The following PIEZO2 variants were observed in gnomAD, a reference collection of about 807,000 sequenced individuals.
The protein encoded by PIEZO2 is piezo-type mechanosensitive ion channel component 2.
PIEZO2 carries 172 observed loss-of-function variants against 337.3 expected under a neutral mutation model. The ratio of observed to expected loss-of-function variants is 0.51; its 90% CI spans 0.45 to 0.58. The LOEUF (loss-of-function observed/expected upper bound fraction) is 0.58. Ranked by LOEUF, PIEZO2 falls within the 20% of genes least tolerant of loss-of-function variation. The pLI is 0.00. For synonymous variants in PIEZO2, 1,251 were observed against 1,228.5 expected (o/e 1.02, Z -0.38); for missense variants, 3,028 against 3,391.3 (o/e 0.89, Z 2.66).
intron 1 of PIEZO2, among the ~76,000 whole-genome samples, chr18:11,091,786 C>T (rs2039100190): frequency 7.9e-5 from 12 of 152,192 alleles, no homozygotes; most frequent in Admixed American, 7.8e-4. Flanking sequence ...AAGGTTTGTT[C>T]ATTGCCAACT....
chr18:10,775,028 C>T lies in PIEZO2; in HGVS notation c.2535-990G>A, dbSNP rs1019162061. On this transcript the variant is annotated intron_variant, in intron 18 of 55. Coordinates refer to ENST00000674853, the MANE Select transcript of PIEZO2 (RefSeq NM_001378183.1). The surrounding 1 kb of genome is among the most constrained non-coding windows in gnomAD (Gnocchi z 4.3). ...ATTTTGGGTAACTGTCGTAAGGAAT[C>T]CACATTGTCCCTACGCTTTTAGATT... is the stretch of plus-strand genomic sequence containing the variant. Among the ~76,000 whole-genome samples the T allele has an allele frequency of 5.3e-5, 8 of 152,174 alleles. No homozygotes were observed. The highest frequency in any genetic ancestry group is 1.7e-4 in the African/African-American group (7 of 41,442).
chr18:11,066,348 A>G (rs1019658117), intron 1 of PIEZO2, 126 bp from the exon 2 acceptor site: 2 of 647,170 alleles, frequency 3.1e-6, no homozygotes, highest in African/African-American at 3.6e-5. Context: ...TCCTGAATAG[A>G]TATGTCAATT....
intron 5 of PIEZO2, among the ~76,000 whole-genome samples, chr18:10,867,932 G>A (rs1028701427): frequency 8.5e-5 from 13 of 152,342 alleles, no homozygotes; most frequent in Admixed American, 8.5e-4. Context: ...AACCTTTGAT[G>A]ACATTTGAGG....
At position 10,945,133 on chromosome 18, in the gene PIEZO2, A is replaced by G. The variant is rs1012256434; in HGVS notation, c.287-33905T>C. Among the ~76,000 whole-genome samples the G allele has an allele frequency of 6.6e-6, 1 of 152,194 alleles. No homozygotes were observed. Among genetic ancestry groups the G allele is most frequent in the Admixed American group, 6.5e-5 (1 of 15,282 alleles). ...AATTCAGCCAAGTAGTGACCAGTAC[A>G]TGCATGTGAGGAAACTACCTGAATC... On this transcript the variant is annotated intron_variant, in intron 3 of 55. Coordinates refer to ENST00000674853, the MANE Select transcript of PIEZO2 (RefSeq NM_001378183.1). The surrounding 1 kb of genome is among the most constrained non-coding windows in gnomAD (Gnocchi z 4.0).
rs2040736004 is a variant in PIEZO2 at position 11,143,725 on chromosome 18, C to T, written c.64+4800G>A. Reference sequence around the variant, plus strand: ...CTAGGAAGGCACTAAGTTGCCTTCCCGTGAATCCCACATCCTCAGATCAGC... The same window carrying T: ...CTAGGAAGGCACTAAGTTGCCTTCCTGTGAATCCCACATCCTCAGATCAGC... On this transcript the variant is annotated intron_variant, in intron 1 of 55. Coordinates refer to ENST00000674853, the MANE Select transcript of PIEZO2 (RefSeq NM_001378183.1). The surrounding 1 kb of genome is among the most constrained non-coding windows in gnomAD (Gnocchi z 4.9). 6.6e-6 allele frequency among the ~76,000 whole-genome samples: 1 copy of T among 151,150 alleles called. No individual in the cohort carries two copies. Among genetic ancestry groups the T allele is most frequent in the Non-Finnish European group, 1.5e-5 (1 of 67,840 alleles).
intron 39 of PIEZO2, among the ~76,000 whole-genome samples, chr18:10,710,360 G>A (rs976688520): frequency 6.6e-6 from 1 of 152,178 alleles, no homozygotes; most frequent in African/African-American, 2.4e-5. Context: ...CAAGGGGACG[G>A]CTGCCATCAC....
intron 48 of PIEZO2, 132 bp from the exon 49 acceptor site, chr18:10,689,934 C>A: frequency 2.0e-6 from 2 of 979,168 alleles, no homozygotes; most frequent in Admixed American, 3.2e-5. Context: ...GTGACCCTTC[C>A]AGTAAAACCC....
At chr18:10,722,685 C>T (rs1383870416) in intron 36 of PIEZO2, among the ~76,000 whole-genome samples, 1 of 152,002 alleles carries the variant, frequency 6.6e-6, no homozygotes, top group Non-Finnish European at 1.5e-5. Flanking sequence ...CTGAAACATA[C>T]AAAAAAGGGA....
intron 52 of PIEZO2, among the ~76,000 whole-genome samples, chr18:10,678,777 T>C (rs192691056): frequency 5.9e-5 from 9 of 152,216 alleles, no homozygotes; most frequent in African/African-American, 2.2e-4. Flanking sequence ...TGCTGGCCAC[T>C]GGCTCAGGCT....
chr18:10,959,502 A>T (rs1476016438), intron 3 of PIEZO2, among the ~76,000 whole-genome samples: 1 of 152,226 alleles, frequency 6.6e-6, no homozygotes, highest in Non-Finnish European at 1.5e-5. Flanking sequence ...GAGATGTCTT[A>T]TAACACATTC....
intron 2 of PIEZO2, among the ~76,000 whole-genome samples, chr18:11,010,143 T>G (rs2660277): frequency 0.48 from 73,562 of 151,988 alleles, 18,241 homozygotes; most frequent in African/African-American, 0.59. Flanking sequence ...TTCAAAATTC[T>G]GTGTATCTTT....
intron 1 of PIEZO2, among the ~76,000 whole-genome samples, chr18:11,100,729 G>A (rs953647787): frequency 3.3e-5 from 5 of 152,094 alleles, no homozygotes; most frequent in Admixed American, 1.3e-4. Flanking sequence ...CCAAGTAGCT[G>A]GGACTACAGG....
At chr18:10,939,817 T>C (rs912232984) in intron 3 of PIEZO2, among the ~76,000 whole-genome samples, 1 of 152,008 alleles carries the variant, frequency 6.6e-6, no homozygotes. Context: ...ACCTAATGCA[T>C]GGGGAGCTTA....
intron 7 of PIEZO2, among the ~76,000 whole-genome samples, chr18:10,810,550 G>A (rs1568085639): frequency 6.6e-6 from 1 of 152,100 alleles, no homozygotes; most frequent in Admixed American, 6.6e-5. Flanking sequence ...GAAAAGCCCT[G>A]AGTCCCAGAA....
intron 2 of PIEZO2, among the ~76,000 whole-genome samples, chr18:10,995,008 G>C (rs1305606170): frequency 7.3e-6 from 1 of 137,816 alleles, no homozygotes; most frequent in Non-Finnish European, 1.5e-5. Flanking sequence ...GGAGGCGGAG[G>C]TTGCAGATCT....
intron 7 of PIEZO2, among the ~76,000 whole-genome samples, chr18:10,814,161 G>A (rs935429429): frequency 1.1e-4 from 16 of 152,028 alleles, no homozygotes; most frequent in South Asian, 8.3e-4. Context: ...AGTAGAGACA[G>A]GGTTTCACTG....
rs2034017197 is a variant in PIEZO2, at chr18:10,676,685, A to C, written c.8081+1062T>G. ...AGGTTTGTCATCTAGAGATGAGATC[A>C]ATACTTTTTGGGCCAGGTGGACAGA... is the stretch of plus-strand genomic sequence containing the variant. On this transcript the variant is annotated intron_variant, in intron 53 of 55. Coordinates refer to ENST00000674853, the MANE Select transcript of PIEZO2 (RefSeq NM_001378183.1). The surrounding 1 kb of genome is among the most constrained non-coding windows in gnomAD (Gnocchi z 5.1). Among the ~76,000 whole-genome samples the C allele has an allele frequency of 6.6e-6, 1 of 152,202 alleles. No individual in the cohort carries two copies. Among genetic ancestry groups the C allele is most frequent in the Non-Finnish European group, 1.5e-5 (1 of 68,034 alleles).
intron 52 of PIEZO2, among the ~76,000 whole-genome samples, chr18:10,679,322 C>T (rs2034158493): frequency 6.6e-6 from 1 of 152,154 alleles, no homozygotes; most frequent in South Asian, 2.1e-4. Flanking sequence ...AAATCATCAC[C>T]TTGCCTCTCT....
chr18:10,725,266 ACCAAGTGCCAGATATGGT>A (rs2036486437), intron 36 of PIEZO2: 3 of 1,566,248 alleles, frequency 1.9e-6, no homozygotes, highest in Non-Finnish European at 2.6e-6. Context: ...GCAGCTGCTC[ACCAAGTGCCAGATATGGT>A]CCATTGTGGG....
Sources: gnomAD v4.1 joint callset for allele counts (sites outside exome capture counted in the v4.1 genomes callset) on GRCh38, gnomAD v4.1.1 for gene constraint, Gnocchi (gnomAD v3.1) non-coding constraint, MANE v1.5 for transcripts, NCBI Gene and HGNC (gene_info 2026-07-23, HGNC 2026-07-21) for gene names.